Variants in DEK observed in about 807,000 individuals in gnomAD.
DEK encodes protein DEK.
In DEK, 28 loss-of-function variants were observed where a neutral mutation model predicts 46.8. The ratio of observed to expected loss-of-function variants is 0.60; its 90% CI spans 0.44 to 0.82. The LOEUF is 0.82. Ranked by LOEUF, DEK falls within the 40% of genes least tolerant of loss-of-function variation. The pLI is 0.00. For missense variants in DEK, 416 were observed against 430.6 expected, an observed-to-expected ratio of 0.97 and a Z score of 0.30; for synonymous variants, 160 against 144.5, an observed-to-expected ratio of 1.11 and a Z score of -0.77.
chr6:18,255,462 C>G (rs561484419), intron 6 of DEK, among the ~76,000 whole-genome samples: 2 of 152,240 alleles, frequency 1.3e-5, no homozygotes, highest in Non-Finnish European at 2.9e-5. Context: ...ATACCTAACC[C>G]TGACTACTAG....
rs571625235 is a variant in DEK, at chr6:18,243,997, C to T, written c.762+5654G>A. Among the ~76,000 whole-genome samples, 15 of 152,116 alleles carry T rather than the reference C, an allele frequency of 9.9e-5. No individual in the cohort carries two copies. The East Asian group carries it at 2.7e-3, about 27-fold the overall frequency. Reference sequence around the variant, plus strand: ...TCAAAAATAAGTGAAGTACTGACCCCCATTTTAAGTCTCTTTCAAAATATC... The same window carrying T: ...TCAAAAATAAGTGAAGTACTGACCCTCATTTTAAGTCTCTTTCAAAATATC... On this transcript the variant is annotated intron_variant, in intron 7 of 10. Coordinates refer to ENST00000652689, the MANE Select transcript of DEK (RefSeq NM_003472.4).
At chr6:18,227,709 C>G (rs1054489069) in intron 9 of DEK, among the ~76,000 whole-genome samples, 2 of 152,120 alleles carry the variant, frequency 1.3e-5, no homozygotes, top group Non-Finnish European at 2.9e-5. Flanking sequence ...AGAGCAAGAC[C>G]CTGTCTCAAA....
At chr6:18,247,794 T>C (rs1436829107) in intron 7 of DEK, among the ~76,000 whole-genome samples, 1 of 151,932 alleles carries the variant, frequency 6.6e-6, no homozygotes, top group African/African-American at 2.4e-5. Flanking sequence ...GCCTCAGCCT[T>C]CCCGAGTAGC....
rs1789997294 is a variant in DEK at position 18,224,011 on chromosome 6, A to G, written c.*1708T>C. ...GTCATAAAATTAACCTTAATTATTC[A>G]GTTTTGTGAAGTCACTCCAAGAAAA... is the stretch of plus-strand genomic sequence containing the variant. On this transcript the variant is annotated 3_prime_UTR_variant, in exon 11 of 11. Transcript: ENST00000652689. 6.5e-6 allele frequency: 1 copy of G among 154,632 alleles called. No homozygotes were observed. The highest frequency in any genetic ancestry group is 2.1e-4 in the South Asian group (1 of 4,854). The allele number at this position is 154,632 out of a possible 1,614,324, so 9.6% of individuals were successfully genotyped here.
intron 7 of DEK, among the ~76,000 whole-genome samples, chr6:18,245,898 T>G (rs1352974137): frequency 6.6e-6 from 1 of 152,276 alleles, no homozygotes; most frequent in African/African-American, 2.4e-5. Flanking sequence ...GCTGTTCTCA[T>G]GACAGTGAAA....
intron 3 of DEK, 68 bp from the exon 4 acceptor site, chr6:18,258,130 T>A: frequency 4.9e-6 from 6 of 1,230,382 alleles, no homozygotes; most frequent in Non-Finnish European, 6.9e-6. Context: ...GTTAATTTAA[T>A]GAGAATTATT....
intron 7 of DEK, chr6:18,244,514 T>A: frequency 1.6e-6 from 2 of 1,287,448 alleles, no homozygotes; most frequent in Non-Finnish European, 1.0e-6. Context: ...TTACCTATGA[T>A]TTATAGGCAG....
intron 6 of DEK, 131 bp downstream of exon 6, chr6:18,255,600 A>G: frequency 1.8e-6 from 2 of 1,104,130 alleles, no homozygotes; most frequent in Non-Finnish European, 2.5e-6. Context: ...CAGATACGTC[A>G]ACAGAAGGTA....
In DEK at chr6:18,250,568, CTTTTTTT is replaced by C. The variant is rs70974716; in HGVS notation, c.574-736_574-730del. ...CCAATCGAAGGAATGGGAGAAAAAC[CTTTTTTT>C]TTTTTTTTTTTTTTTTTTTTTGAGA... On this transcript the variant is annotated intron_variant, in intron 6 of 10. Coordinates refer to ENST00000652689, the MANE Select transcript of DEK (RefSeq NM_003472.4). Among the ~76,000 whole-genome samples the C allele has an allele frequency of 1.1e-4, 7 of 62,846 alleles. No individual in the cohort carries two copies. In the East Asian group the frequency reaches 2.2e-3, roughly 19 times the overall value. 41.2% of individuals were successfully genotyped at this position (62,846 alleles called of 152,430 possible). A position where few individuals can be genotyped will look rare whatever the true frequency, so the allele number is the denominator to read the frequency against.
chr6:18,251,918 A>G (rs1791391866), intron 6 of DEK, among the ~76,000 whole-genome samples: 2 of 152,104 alleles, frequency 1.3e-5, no homozygotes, highest in Admixed American at 1.3e-4. Context: ...TCAAGCAGCC[A>G]ATAAAAAAAA....
rs545226564 is a variant in DEK at position 18,256,559 on chromosome 6, T to C, written c.358-104A>G. On this transcript the variant is annotated intron_variant, in intron 4 of 10. Transcript: ENST00000652689. ...CAACATCTTTATTTTCATACCTGTC[T>C]GTAAGTTACAATACTGGCTGAACAG... 3 of 891,074 alleles carry C rather than the reference T, an allele frequency of 3.4e-6. No homozygotes were observed. In the East Asian group the frequency reaches 8.0e-5, roughly 24 times the overall value. 55.2% of individuals were successfully genotyped at this position (891,074 alleles called of 1,614,324 possible). A position where few individuals can be genotyped will look rare whatever the true frequency, so the allele number is the denominator to read the frequency against.
chr6:18,238,085 T>C (rs1790742138), intron 7 of DEK, among the ~76,000 whole-genome samples: 1 of 151,932 alleles, frequency 6.6e-6, no homozygotes, highest in Non-Finnish European at 1.5e-5. Flanking sequence ...GCCAGGCTGG[T>C]CTTGAACTCC....
chr6:18,263,181 A>C (rs1439429681), intron 2 of DEK, among the ~76,000 whole-genome samples: 1 of 152,152 alleles, frequency 6.6e-6, no homozygotes, highest in Non-Finnish European at 1.5e-5. Context: ...CCTCCAGTCA[A>C]ATCAGGGCTC....
rs973348765 is a variant in DEK at position 18,244,588 on chromosome 6, C to G, written c.762+5063G>C. ...TCACAGAGCCAGAATTCTGTCCTCA[C>G]AGCAGAAAGGTTGTACTGGGTGAAC... On this transcript the variant is annotated intron_variant, in intron 7 of 10. Coordinates refer to ENST00000652689, the MANE Select transcript of DEK (RefSeq NM_003472.4). 21 of 1,288,590 alleles carry G rather than the reference C, an allele frequency of 1.6e-5. No individual in the cohort carries two copies. The African/African-American group carries it at 3.2e-4, about 20-fold the overall frequency. 79.8% of individuals were successfully genotyped at this position (1,288,590 alleles called of 1,614,324 possible).
rs1281039350 is a variant in DEK at position 18,256,310 on chromosome 6, ATAAACT to A, written c.452+45_452+50del. ...CCCGAATGTGATTTAACATTAAAAA[ATAAACT>A]TAAAGCATATTGATCAAAATACAGT... On this transcript the variant is annotated intron_variant, in intron 5 of 10. Coordinates refer to ENST00000652689, the MANE Select transcript of DEK (RefSeq NM_003472.4). 1.5e-5 allele frequency: 23 copies of A among 1,484,534 alleles called. No homozygotes were observed. In the African/African-American group the frequency reaches 2.1e-4, roughly 14 times the overall value. The allele number at this position is 1,484,534 out of a possible 1,614,324, so 92.0% of individuals were successfully genotyped here.
chr6:18,262,750 T>C (rs887315588), intron 2 of DEK, among the ~76,000 whole-genome samples: 1 of 152,252 alleles, frequency 6.6e-6, no homozygotes, highest in Non-Finnish European at 1.5e-5. Context: ...GCCAATTTTG[T>C]TGTTGTATTA....
intron 8 of DEK, among the ~76,000 whole-genome samples, chr6:18,236,824 C>G (rs966189410): frequency 6.6e-6 from 1 of 152,102 alleles, no homozygotes; most frequent in African/African-American, 2.4e-5. Flanking sequence ...CATCCCTAAT[C>G]CAAAAATCCA....
chr6:18,244,788 G>A (rs907048923), intron 7 of DEK, among the ~76,000 whole-genome samples: 10 of 152,154 alleles, frequency 6.6e-5, no homozygotes, highest in African/African-American at 1.2e-4. Context: ...GCCTTCCAAC[G>A]AAAGGTTTAA....
intron 2 of DEK, 82 bp downstream of exon 2, chr6:18,263,761 G>C: frequency 1.2e-6 from 2 of 1,609,024 alleles, no homozygotes; most frequent in Non-Finnish European, 1.7e-6. Context: ...CACCAAAAGA[G>C]CAAGAAAACT....
Sources: allele counts gnomAD v4.1 joint callset (sites outside exome capture counted in the v4.1 genomes callset), GRCh38; gene constraint gnomAD v4.1.1; transcripts MANE v1.5; gene names NCBI Gene and HGNC (gene_info 2026-07-23, HGNC 2026-07-21).